Variants in FLVCR1 observed in about 807,000 individuals in gnomAD.
FLVCR1 encodes choline/ethanolamine transporter FLVCR1.
In FLVCR1, 34 loss-of-function variants were observed where a neutral mutation model predicts 53.6. The observed-to-expected ratio is 0.63, with a 90% confidence interval of 0.48 to 0.84. The LOEUF (loss-of-function observed/expected upper bound fraction) is 0.84. Ranked by LOEUF, FLVCR1 falls within the 40% of genes least tolerant of loss-of-function variation. FLVCR1 has a pLI of 0.00. For synonymous variants in FLVCR1, 300 were observed against 286.3 expected (o/e 1.05, Z -0.48); for missense variants, 677 against 696.7 (o/e 0.97, Z 0.32).
At position 212,895,726 on chromosome 1, in the gene FLVCR1, A is replaced by G. The variant is rs1362378053; in HGVS notation, c.*436A>G. Reference sequence around the variant, plus strand: ...AGTATCCAGTGGAACTAAATGTACAATATATTCCTAATTGGCTGCCTTTTT... The same window carrying G: ...AGTATCCAGTGGAACTAAATGTACAGTATATTCCTAATTGGCTGCCTTTTT... On this transcript the variant is annotated 3_prime_UTR_variant, in exon 10 of 10. Transcript: ENST00000366971. The G allele has an allele frequency of 3.6e-5, 8 of 224,908 alleles. No individual in the cohort carries two copies. In the East Asian group the frequency reaches 9.7e-4, roughly 27 times the overall value. 13.9% of individuals were successfully genotyped at this position (224,908 alleles called of 1,614,324 possible).
intron 1 of FLVCR1, among the ~76,000 whole-genome samples, chr1:212,861,782 G>T (rs982112943): frequency 6.6e-6 from 1 of 152,096 alleles, no homozygotes; most frequent in East Asian, 1.9e-4. Flanking sequence ...CCATTCTCCT[G>T]CCTCAGCCTC....
In FLVCR1 at chr1:212,872,702, C is replaced by T. The variant is rs748973198; in HGVS notation, c.908C>T (p.Pro303Leu). The T allele has an allele frequency of 1.1e-5, 18 of 1,613,444 alleles. No homozygotes were observed. The highest frequency in any genetic ancestry group is 1.4e-5 in the Non-Finnish European group (16 of 1,179,718). The change falls in exon 3 of 10, where the codon CCA becomes CTA. Residue 303 changes from proline (P) to leucine (L), a missense_variant. Coordinates refer to ENST00000366971, the MANE Select transcript of FLVCR1 (RefSeq NM_014053.4). ...AIAFKEKPRYPPSQAQAALQD... is the reference protein window; with the variant it reads ...AIAFKEKPRYLPSQAQAALQD... ...GCCTTCAAAGAAAAACCTCGGTATC[C>T]ACCAAGTCAGGCTCAAGCAGCTCTT...
chr1:212,892,907 G>C (rs190264354), intron 8 of FLVCR1, among the ~76,000 whole-genome samples: 6 of 152,226 alleles, frequency 3.9e-5, no homozygotes, highest in Non-Finnish European at 8.8e-5. Flanking sequence ...CATTCTCATG[G>C]ATGATTTTGA....
intron 3 of FLVCR1, among the ~76,000 whole-genome samples, chr1:212,873,932 T>G (rs1322431352): frequency 6.6e-6 from 1 of 152,224 alleles, no homozygotes; most frequent in East Asian, 1.9e-4. Context: ...CCATATCCTG[T>G]GTATGGCATC....
chr1:212,881,998 T>A (rs1029826026), intron 3 of FLVCR1, among the ~76,000 whole-genome samples: 1 of 152,174 alleles, frequency 6.6e-6, no homozygotes, highest in Non-Finnish European at 1.5e-5. Flanking sequence ...CACATTCACA[T>A]TGGCAAAATA....
chr1:212,881,528 G>A (rs1227307958), intron 3 of FLVCR1, among the ~76,000 whole-genome samples: 1 of 151,648 alleles, frequency 6.6e-6, no homozygotes, highest in Non-Finnish European at 1.5e-5. Flanking sequence ...TAGTAGAGAC[G>A]GGGTTTCACC....
rs41300945 is a variant in FLVCR1, at chr1:212,885,194, C to CT, written c.1093-98dup. On this transcript the variant is annotated intron_variant, in intron 4 of 9. Transcript: ENST00000366971. ...CTTCCTACTGTGTGCTTAGTTTTAT[C>CT]TAATTATTTTCATTGACTATGAAAA... 1,091 of 865,944 alleles carry CT rather than the reference C, an allele frequency of 1.3e-3. 4 individuals are homozygous for CT. The African/African-American group carries it at 0.016, about 13-fold the overall frequency. 53.6% of individuals were successfully genotyped at this position (865,944 alleles called of 1,614,324 possible). A position where few individuals can be genotyped will look rare whatever the true frequency, so the allele number is the denominator to read the frequency against.
Position 212,858,971 on chromosome 1 carries a change from G to A in FLVCR1, c.519G>A (p.Leu173=), listed in dbSNP as rs1310828903. Residue 173 remains leucine (L), a synonymous_variant, in exon 1 of 10, where the codon CTG becomes CTA. Coordinates refer to ENST00000366971, the MANE Select transcript of FLVCR1 (RefSeq NM_014053.4). ...CCTGGCTGCTGGACACCAGAGGCCT[G>A]CGGCTCACCGCCCTGCTGGGCTCCG... ...PATWLLDTRG[L]RLTALLGSGL... is the part of the protein sequence containing the mutation. 6.2e-7 allele frequency: 1 copy of A among 1,614,104 alleles called. No individual in the cohort carries two copies. The highest frequency in any genetic ancestry group is 2.2e-5 in the East Asian group (1 of 44,876).
rs1308179742 is a variant in FLVCR1 at position 212,898,858 on chromosome 1, T to C, written c.*3568T>C. The C allele has an allele frequency of 2.0e-5, 3 of 152,228 alleles. No homozygotes were observed. Among genetic ancestry groups the C allele is most frequent in the African/African-American group, 7.2e-5 (3 of 41,458 alleles). 9.4% of individuals were successfully genotyped at this position (152,228 alleles called of 1,614,324 possible). On this transcript the variant is annotated 3_prime_UTR_variant, in exon 10 of 10. Transcript: ENST00000366971. ...CAGACCTGTACAGCATGGTACTGTA[T>C]TGAATACTGTAGGCAACTGTAACAC...
At chr1:212,886,818 A>G (rs1665078057) in intron 5 of FLVCR1, among the ~76,000 whole-genome samples, 1 of 152,254 alleles carries the variant, frequency 6.6e-6, no homozygotes, top group East Asian at 1.9e-4. Context: ...TAAAAAAAAA[A>G]GAATATACTC....
rs1295548585 is a variant in FLVCR1, at chr1:212,897,408, GCTT to G, written c.*2122_*2124del. ...ATGGTGGCACACGCCTGTAGTCCCA[GCTT>G]CTTGGGAAGCTGAGGCATGAGAATT... On this transcript the variant is annotated 3_prime_UTR_variant, in exon 10 of 10. Coordinates refer to ENST00000366971, the MANE Select transcript of FLVCR1 (RefSeq NM_014053.4). 6.6e-6 allele frequency: 1 copy of G among 150,594 alleles called. No individual in the cohort carries two copies. The highest frequency in any genetic ancestry group is 3.2e-3 in the Middle Eastern group (1 of 314). 9.3% of individuals were successfully genotyped at this position (150,594 alleles called of 1,614,324 possible). A position where few individuals can be genotyped will look rare whatever the true frequency, so the allele number is the denominator to read the frequency against.
At chr1:212,889,765 A>AAG (rs1365418179) in intron 8 of FLVCR1, among the ~76,000 whole-genome samples, 1 of 151,696 alleles carries the variant, frequency 6.6e-6, no homozygotes, top group Non-Finnish European at 1.5e-5. Context: ...CAAAAAAAAA[A>AAG]AAAAAAAAGA....
chr1:212,889,304 A>G (rs1158417417), intron 8 of FLVCR1, 47 bp downstream of exon 8: 1 of 1,119,244 alleles, frequency 8.9e-7, no homozygotes, highest in South Asian at 1.2e-5. Flanking sequence ...TCATGTGTTA[A>G]TTTTCATATA....
chr1:212,858,790 T>A lies in FLVCR1; in HGVS notation c.338T>A (p.Ile113Asn), dbSNP rs776397732. 6.2e-7 allele frequency: 1 copy of A among 1,614,180 alleles called. No individual in the cohort carries two copies. The change falls in exon 1 of 10, where the codon ATC (isoleucine) becomes AAC (asparagine). Residue 113 changes from isoleucine (I) to asparagine (N), a missense_variant. Ile to Asn is a moderately radical substitution (Grantham distance 149). Transcript: ENST00000366971. ...CCGCGGCGCTTCGTGGTGCTCCTGATCTTCAGCCTGTACTCGCTGGTCAAC... is the reference window on the plus strand; with the variant it reads ...CCGCGGCGCTTCGTGGTGCTCCTGAACTTCAGCCTGTACTCGCTGGTCAAC... Reference protein sequence around the residue: ...LSPRRFVVLLIFSLYSLVNAF... With the variant: ...LSPRRFVVLLNFSLYSLVNAF...
rs1328359888 is a variant in FLVCR1, at chr1:212,899,156, C to A, written c.*3866C>A. On this transcript the variant is annotated 3_prime_UTR_variant, in exon 10 of 10. Transcript: ENST00000366971. ...GCTGTTGCATTTATTACAAATGTCACAAATACAGCTCTTGCCTTTTGAGAA... is the reference window on the plus strand; with the variant it reads ...GCTGTTGCATTTATTACAAATGTCAAAAATACAGCTCTTGCCTTTTGAGAA... 2 of 152,162 alleles carry A rather than the reference C, an allele frequency of 1.3e-5. No homozygotes were observed. Among genetic ancestry groups the A allele is most frequent in the African/African-American group, 4.8e-5 (2 of 41,430 alleles). 9.4% of individuals were successfully genotyped at this position (152,162 alleles called of 1,614,324 possible). A position where few individuals can be genotyped will look rare whatever the true frequency, so the allele number is the denominator to read the frequency against.
In FLVCR1 at chr1:212,898,239, G is replaced by A. The variant is rs756936130; in HGVS notation, c.*2949G>A. ...AATCCAGCCAGAGAAAAATTCCCTGGACAATTGGATAAACAAATGTGATTG... is the reference window on the plus strand; with the variant it reads ...AATCCAGCCAGAGAAAAATTCCCTGAACAATTGGATAAACAAATGTGATTG... On this transcript the variant is annotated 3_prime_UTR_variant, in exon 10 of 10. Coordinates refer to ENST00000366971, the MANE Select transcript of FLVCR1 (RefSeq NM_014053.4). 5 of 152,144 alleles carry A rather than the reference G, an allele frequency of 3.3e-5. No individual in the cohort carries two copies. The South Asian group carries it at 1.0e-3, about 32-fold the overall frequency. 9.4% of individuals were successfully genotyped at this position (152,144 alleles called of 1,614,324 possible).
rs1665319781 is a variant in FLVCR1 at position 212,895,834 on chromosome 1, T to C, written c.*544T>C. 6.3e-6 allele frequency: 1 copy of C among 158,736 alleles called. No individual in the cohort carries two copies. Among genetic ancestry groups the C allele is most frequent in the Non-Finnish European group, 1.4e-5 (1 of 71,810 alleles). The allele number at this position is 158,736 out of a possible 1,614,324, so 9.8% of individuals were successfully genotyped here. ...CACTACTCACCCACAAAGGACAGCA[T>C]TGGGATCAGGCTTTCAGATGACCTC... On this transcript the variant is annotated 3_prime_UTR_variant, in exon 10 of 10. Transcript: ENST00000366971.
intron 3 of FLVCR1, among the ~76,000 whole-genome samples, chr1:212,874,287 C>T (rs548401507): frequency 6.6e-6 from 1 of 152,248 alleles, no homozygotes; most frequent in East Asian, 1.9e-4. Flanking sequence ...GGATTACAGG[C>T]GTGAGCCAAA....
At chr1:212,885,550 CTTTT>C (rs539282150) in intron 5 of FLVCR1, 154 bp downstream of exon 5, 283 of 297,356 alleles carry the variant, frequency 9.5e-4, no homozygotes, top group Middle Eastern at 1.1e-3. Context: ...ACAAGTGTTT[CTTTT>C]TTTTTTTTTT....
Sources: allele counts gnomAD v4.1 joint callset (sites outside exome capture counted in the v4.1 genomes callset), GRCh38; gene constraint gnomAD v4.1.1; transcripts MANE v1.5; gene names NCBI Gene and HGNC (gene_info 2026-07-23, HGNC 2026-07-21).